Variants in ROBO2 observed in about 807,000 individuals in gnomAD.
ROBO2 encodes the protein roundabout homolog 2.
A neutral mutation model predicts 160.8 loss-of-function variants in ROBO2; 53 were observed. That is an observed-to-expected ratio of 0.33 (90% CI 0.26 to 0.41). ROBO2 has a LOEUF of 0.41. Among genes scored for constraint, ROBO2 ranks in the 10% least tolerant of loss-of-function variants. The pLI is 1.00. For missense variants in ROBO2, 1,577 were observed against 1,722.4 expected (o/e 0.92, Z 1.49); for synonymous variants, 664 against 611.7 (o/e 1.09, Z -1.26).
intron 2 of ROBO2, among the ~76,000 whole-genome samples, chr3:76,181,316 TTTTA>T (rs1336581597): frequency 2.6e-5 from 4 of 152,174 alleles, no homozygotes; most frequent in African/African-American, 9.7e-5. Flanking sequence ...TGGATTAATT[TTTTA>T]TTTAATTTCA....
At chr3:77,557,674 T>A (rs1036770005) in intron 8 of ROBO2, among the ~76,000 whole-genome samples, 1 of 152,070 alleles carries the variant, frequency 6.6e-6, no homozygotes, top group East Asian at 1.9e-4. Context: ...TCAGAATTTA[T>A]CTCAATGCCA....
At chr3:76,597,207 G>A (rs772151531) in intron 2 of ROBO2, among the ~76,000 whole-genome samples, 1 of 151,866 alleles carries the variant, frequency 6.6e-6, no homozygotes, top group Non-Finnish European at 1.5e-5. Flanking sequence ...TAGGCAAAGA[G>A]TTCTTTAAAA....
At chr3:76,535,168 G>C (rs1427025774) in intron 2 of ROBO2, among the ~76,000 whole-genome samples, 4 of 152,088 alleles carry the variant, frequency 2.6e-5, no homozygotes, top group Non-Finnish European at 2.9e-5. Context: ...GTTGTGGAAG[G>C]GGGTATTGAG....
intron 2 of ROBO2, among the ~76,000 whole-genome samples, chr3:76,209,780 A>G (rs930714363): frequency 1.3e-5 from 2 of 152,142 alleles, no homozygotes; most frequent in Admixed American, 1.3e-4. Context: ...ACAGGGGTAT[A>G]GAGAATAAAC....
chr3:76,117,614 G>C (rs1418461835), intron 2 of ROBO2, among the ~76,000 whole-genome samples: 2 of 152,086 alleles, frequency 1.3e-5, no homozygotes, highest in Non-Finnish European at 2.9e-5. Flanking sequence ...AGAATCTGTA[G>C]TTGAGGTATT....
intron 2 of ROBO2, among the ~76,000 whole-genome samples, chr3:76,250,386 A>T (rs1000904551): frequency 6.6e-6 from 1 of 152,098 alleles, no homozygotes; most frequent in African/African-American, 2.4e-5. Context: ...TCAGATCTGT[A>T]TCAACGACAT....
intron 2 of ROBO2, among the ~76,000 whole-genome samples, chr3:77,128,133 G>T (rs2075514273): frequency 6.6e-6 from 1 of 152,094 alleles, no homozygotes; most frequent in Non-Finnish European, 1.5e-5. Flanking sequence ...ATTTAAGCAG[G>T]TGATTATGGG....
intron 2 of ROBO2, among the ~76,000 whole-genome samples, chr3:76,541,654 C>T (rs934840179): frequency 3.9e-5 from 6 of 152,124 alleles, no homozygotes; most frequent in Non-Finnish European, 5.9e-5. Flanking sequence ...GCGTGGCACA[C>T]GTAAGAGAGG....
chr3:76,475,517 T>A (rs896817367), intron 2 of ROBO2, among the ~76,000 whole-genome samples: 2 of 151,876 alleles, frequency 1.3e-5, no homozygotes, highest in Non-Finnish European at 2.9e-5. Flanking sequence ...GCCAATGAGG[T>A]TTGGAACCTT....
chr3:76,530,460 C>A lies in ROBO2; in HGVS notation c.110-567554C>A, dbSNP rs113002004. Among the ~76,000 whole-genome samples, 67 of 152,272 alleles carry A rather than the reference C, an allele frequency of 4.4e-4. 1 individual carries two copies. Among genetic ancestry groups the A allele is most frequent in the African/African-American group, 1.5e-3 (64 of 41,554 alleles). ...CGCATCTCCAGCTCAGAACAGAAAA[C>A]TATGTTCTCCCTCCTGTGTGATGAC... On this transcript the variant is annotated intron_variant, in intron 2 of 26. Coordinates refer to the ROBO2 transcript ENST00000487694.
intron 2 of ROBO2, among the ~76,000 whole-genome samples, chr3:77,426,679 A>G (rs1051521006): frequency 6.7e-5 from 1 of 14,974 alleles, no homozygotes; most frequent in African/African-American, 7.4e-4. Context: ...TCATTTGGTC[A>G]GGAAGGAAGG....
At chr3:76,019,916 C>A (rs1198364373) in intron 2 of ROBO2, among the ~76,000 whole-genome samples, 2 of 150,496 alleles carry the variant, frequency 1.3e-5, no homozygotes, top group Non-Finnish European at 1.5e-5. Context: ...AAGCTCCATG[C>A]ATATCTGAGA....
At chr3:77,293,894 G>A (rs1349059433) in intron 2 of ROBO2, among the ~76,000 whole-genome samples, 1 of 140,644 alleles carries the variant, frequency 7.1e-6, no homozygotes, top group East Asian at 2.0e-4. Context: ...ACGGCTAAAC[G>A]AGTAAGCTGC....
chr3:76,714,094 T>C lies in ROBO2; in HGVS notation c.110-383920T>C, dbSNP rs1027621466. 2.6e-5 allele frequency among the ~76,000 whole-genome samples: 4 copies of C among 152,200 alleles called. 1 individual carries two copies. The East Asian group carries it at 5.8e-4, about 22-fold the overall frequency. ...AATGAAGTCTTTTAATACCTGTAGG[T>C]TTATTTTTGTTTTGTTTGATAGTAT... On this transcript the variant is annotated intron_variant, in intron 2 of 26. Coordinates refer to the ROBO2 transcript ENST00000487694.
intron 2 of ROBO2, among the ~76,000 whole-genome samples, chr3:76,619,272 G>A (rs1046023109): frequency 1.3e-5 from 2 of 150,782 alleles, no homozygotes; most frequent in Admixed American, 1.3e-4. Flanking sequence ...CCCGGGAGGC[G>A]GAGCTTGCAG....
chr3:77,477,612 T>G (rs1254277141), intron 3 of ROBO2, 41 bp downstream of exon 3: 1 of 1,568,272 alleles, frequency 6.4e-7, no homozygotes, highest in African/African-American at 1.4e-5. Flanking sequence ...GATTGAATTT[T>G]CAGTCTCAAA....
intron 2 of ROBO2, among the ~76,000 whole-genome samples, chr3:76,690,314 A>G (rs1379676536): frequency 6.6e-6 from 1 of 152,028 alleles, no homozygotes; most frequent in Non-Finnish European, 1.5e-5. Context: ...TTAATCACCA[A>G]TGTTATCGTA....
chr3:77,317,403 G>T, intron 2 of ROBO2: 1 of 1,242,244 alleles, frequency 8.0e-7, no homozygotes, highest in Non-Finnish European at 1.2e-6. Context: ...CGTAGACCTC[G>T]AGCCATAGTC....
At chr3:76,609,336 A>AT (rs2087901045) in intron 2 of ROBO2, among the ~76,000 whole-genome samples, 1 of 152,092 alleles carries the variant, frequency 6.6e-6, no homozygotes, top group Admixed American at 6.6e-5. Context: ...AGGTTTGGCT[A>AT]TTCTTGGTCT....
Sources: allele counts gnomAD v4.1 joint callset (sites outside exome capture counted in the v4.1 genomes callset), GRCh38; gene constraint gnomAD v4.1.1; transcripts MANE v1.5; gene names NCBI Gene and HGNC (gene_info 2026-07-23, HGNC 2026-07-21).